HS3ST4: variants seen among roughly 807,000 people sequenced by gnomAD.
The protein encoded by HS3ST4 is heparan sulfate glucosamine 3-O-sulfotransferase 4.
A neutral mutation model predicts 29.2 loss-of-function variants in HS3ST4; 17 were observed. The ratio of observed to expected loss-of-function variants is 0.58; its 90% CI spans 0.40 to 0.87. HS3ST4 has a LOEUF of 0.87. HS3ST4 is among the 40% of genes least tolerant of loss of function. The pLI is 0.00. For synonymous variants in HS3ST4, 314 were observed against 285.7 expected, an observed-to-expected ratio of 1.10 and a Z score of -1.00; for missense variants, 627 against 634.5, an observed-to-expected ratio of 0.99 and a Z score of 0.13.
chr16:25,777,186 A>G (rs1479677536), intron 1 of HS3ST4, among the ~76,000 whole-genome samples: 2 of 152,216 alleles, frequency 1.3e-5, no homozygotes, highest in Admixed American at 6.5e-5. Flanking sequence ...TGAGTGACTC[A>G]TGTTGGAATC....
At chr16:25,817,718 A>G (rs1967108126) in intron 1 of HS3ST4, among the ~76,000 whole-genome samples, 1 of 152,232 alleles carries the variant, frequency 6.6e-6, no homozygotes, top group African/African-American at 2.4e-5. Flanking sequence ...GTATTTATTC[A>G]TCAACATACA....
chr16:25,829,808 A>G (rs1967274948), intron 1 of HS3ST4, among the ~76,000 whole-genome samples: 1 of 152,080 alleles, frequency 6.6e-6, no homozygotes, highest in Non-Finnish European at 1.5e-5. Flanking sequence ...ATTTTAAAAA[A>G]TTATTTATTT....
intron 1 of HS3ST4, among the ~76,000 whole-genome samples, chr16:26,015,698 A>T (rs759712696): frequency 6.6e-6 from 1 of 152,188 alleles, no homozygotes; most frequent in Admixed American, 6.5e-5. Flanking sequence ...ACTAAGTGTC[A>T]TCTGAGGGTC....
intron 1 of HS3ST4, among the ~76,000 whole-genome samples, chr16:25,757,507 A>G (rs1966764770): frequency 6.6e-6 from 1 of 151,314 alleles, no homozygotes; most frequent in African/African-American, 2.4e-5. Flanking sequence ...TGCTCACTTT[A>G]TGTCTCTGTG....
chr16:26,070,643 G>A (rs575764900), intron 1 of HS3ST4, among the ~76,000 whole-genome samples: 2 of 152,266 alleles, frequency 1.3e-5, no homozygotes, highest in Admixed American at 1.3e-4. Flanking sequence ...CTGGATGATC[G>A]TTCACCCTAG....
At chr16:26,007,381 G>A (rs1969268116) in intron 1 of HS3ST4, among the ~76,000 whole-genome samples, 1 of 152,168 alleles carries the variant, frequency 6.6e-6, no homozygotes, top group African/African-American at 2.4e-5. Flanking sequence ...AGAGGATTCA[G>A]GATCATACGG....
intron 1 of HS3ST4, among the ~76,000 whole-genome samples, chr16:25,967,766 T>C (rs112028017): frequency 0.084 from 12,853 of 152,204 alleles, 736 homozygotes; most frequent in Non-Finnish European, 0.12. Flanking sequence ...GTGGTGGAGC[T>C]GGAACCTCTG....
chr16:25,993,535 C>CAAAAGATAGGAA (rs1969131315), intron 1 of HS3ST4, among the ~76,000 whole-genome samples: 1 of 151,924 alleles, frequency 6.6e-6, no homozygotes. Context: ...ACTGGAATTC[C>CAAAAGATAGGAA]TATCTAAGCT....
chr16:25,829,348 G>A (rs1967270539), intron 1 of HS3ST4, among the ~76,000 whole-genome samples: 1 of 152,110 alleles, frequency 6.6e-6, no homozygotes, highest in Non-Finnish European at 1.5e-5. Context: ...TTTCTATCAG[G>A]GCAGAGTAGG....
At chr16:26,019,898 T>C (rs1423539811) in intron 1 of HS3ST4, among the ~76,000 whole-genome samples, 1 of 152,172 alleles carries the variant, frequency 6.6e-6, no homozygotes, top group African/African-American at 2.4e-5. Context: ...GCCACCACAA[T>C]TGCTACTTGC....
chr16:26,005,475 A>G (rs1401177680), intron 1 of HS3ST4, among the ~76,000 whole-genome samples: 1 of 152,182 alleles, frequency 6.6e-6, no homozygotes, highest in Non-Finnish European at 1.5e-5. Flanking sequence ...GCCCTGGGCC[A>G]CTTCAGCCTG....
chr16:25,765,281 C>T (rs540417614), intron 1 of HS3ST4, among the ~76,000 whole-genome samples: 1 of 152,282 alleles, frequency 6.6e-6, no homozygotes, highest in East Asian at 1.9e-4. Context: ...CAAAGGTACT[C>T]CTGTTCAGTG....
rs534186378 is a variant in HS3ST4, at chr16:26,031,209, T to C, written c.735-104403T>C. Reference sequence around the variant, plus strand: ...GCTGGGATTGGGAAGTGATTTTAGATAGCAAGAGTGAGCAGAGGAGCTGAA... The same window carrying C: ...GCTGGGATTGGGAAGTGATTTTAGACAGCAAGAGTGAGCAGAGGAGCTGAA... On this transcript the variant is annotated intron_variant, in intron 1 of 1. Transcript: ENST00000331351. 1.4e-3 allele frequency among the ~76,000 whole-genome samples: 215 copies of C among 151,884 alleles called. 3 individuals are homozygous for C. Among genetic ancestry groups the C allele is most frequent in the Admixed American group, 2.8e-3 (42 of 15,266 alleles).
intron 1 of HS3ST4, among the ~76,000 whole-genome samples, chr16:25,815,562 G>A (rs1169768627): frequency 2.0e-5 from 3 of 152,132 alleles, no homozygotes; most frequent in Non-Finnish European, 4.4e-5. Flanking sequence ...GACCTCAGGT[G>A]ATCCACCCCC....
At chr16:25,800,876 T>A (rs1966926309) in intron 1 of HS3ST4, among the ~76,000 whole-genome samples, 1 of 152,148 alleles carries the variant, frequency 6.6e-6, no homozygotes, top group Admixed American at 6.6e-5. Flanking sequence ...AAGCAGAAAA[T>A]GAGCCCTCAC....
chr16:25,870,402 A>G (rs1275406302), intron 1 of HS3ST4, among the ~76,000 whole-genome samples: 1 of 151,990 alleles, frequency 6.6e-6, no homozygotes, highest in Non-Finnish European at 1.5e-5. Flanking sequence ...TTAGGGAGTA[A>G]AAAAAAAGCT....
chr16:25,895,539 G>A (rs1356228906), intron 1 of HS3ST4, among the ~76,000 whole-genome samples: 4 of 152,122 alleles, frequency 2.6e-5, no homozygotes, highest in African/African-American at 9.7e-5. Flanking sequence ...CCGAGACTGT[G>A]GCTGTCTCGG....
chr16:25,701,094 T>A (rs1468059063), intron 1 of HS3ST4, among the ~76,000 whole-genome samples: 1 of 152,238 alleles, frequency 6.6e-6, no homozygotes, highest in Non-Finnish European at 1.5e-5. Context: ...TAGGCCCCTG[T>A]CTCTTTCCAT....
intron 1 of HS3ST4, among the ~76,000 whole-genome samples, chr16:25,930,326 C>T (rs1285061243): frequency 1.3e-5 from 2 of 152,168 alleles, no homozygotes; most frequent in Non-Finnish European, 2.9e-5. Flanking sequence ...CTCTCTAGGC[C>T]AGCCCTGTCT....
Sources: allele counts gnomAD v4.1 joint callset (sites outside exome capture counted in the v4.1 genomes callset), GRCh38; gene constraint gnomAD v4.1.1; transcripts MANE v1.5; gene names NCBI Gene and HGNC (gene_info 2026-07-23, HGNC 2026-07-21).